The following SNX29 variants were observed in gnomAD, a reference collection of about 807,000 sequenced individuals.
SNX29 encodes sorting nexin-29.
A neutral mutation model predicts 102.1 loss-of-function variants in SNX29; 78 were observed. That is an observed-to-expected ratio of 0.76 (90% CI 0.64 to 0.92). The LOEUF is 0.92. Ranked by LOEUF, SNX29 falls within the 40% of genes least tolerant of loss-of-function variation. SNX29 has a pLI of 0.00. For synonymous variants in SNX29, 580 were observed against 414.5 expected (o/e 1.40, Z -4.85); for missense variants, 1,280 against 1,061.7 (o/e 1.21, Z -2.86).
At chr16:12,177,593 C>G (rs1273765955) in intron 13 of SNX29, among the ~76,000 whole-genome samples, 1 of 152,142 alleles carries the variant, frequency 6.6e-6, no homozygotes, top group African/African-American at 2.4e-5. Context: ...ATAATAGATG[C>G]TTAATTATTG....
intron 3 of SNX29, among the ~76,000 whole-genome samples, chr16:12,027,014 C>T (rs905601326): frequency 2.0e-5 from 3 of 152,168 alleles, no homozygotes; most frequent in Non-Finnish European, 4.4e-5. Flanking sequence ...ACTTTTCCCC[C>T]CTCTGCACCC....
Position 12,489,628 on chromosome 16 carries a change from T to C in SNX29, c.2178+11769T>C, listed in dbSNP as rs1078678. 2.6e-5 allele frequency among the ~76,000 whole-genome samples: 4 copies of C among 152,322 alleles called. No individual in the cohort carries two copies. The East Asian group carries it at 7.7e-4, about 29-fold the overall frequency. Reference sequence around the variant, plus strand: ...CAGTCAAGTATTTCCCATGGTGCGGTGTGTCCTTAGCCCTCAAACGCCAGC... The same window carrying C: ...CAGTCAAGTATTTCCCATGGTGCGGCGTGTCCTTAGCCCTCAAACGCCAGC... On this transcript the variant is annotated intron_variant, in intron 19 of 20. Transcript: ENST00000566228.
intron 19 of SNX29, among the ~76,000 whole-genome samples, chr16:12,481,952 C>A (rs937870985): frequency 3.3e-5 from 5 of 151,408 alleles, no homozygotes; most frequent in Non-Finnish European, 7.3e-5. Flanking sequence ...CTTAGTGATT[C>A]TTCCCATTTC....
rs909324332 is a variant in SNX29 at position 12,570,666 on chromosome 16, G to A, written c.*2037G>A. On this transcript the variant is annotated 3_prime_UTR_variant, in exon 21 of 21. Coordinates refer to ENST00000566228, the MANE Select transcript of SNX29 (RefSeq NM_032167.5). ...ATCTGTGACATTCCCTTGGGCCCAG[G>A]CTTATGACCTGCACCTTTTCTGACA... The A allele has an allele frequency of 1.7e-5, 4 of 232,034 alleles. No homozygotes were observed. Among genetic ancestry groups the A allele is most frequent in the African/African-American group, 8.8e-5 (4 of 45,280 alleles). The allele number at this position is 232,034 out of a possible 1,614,324, so 14.4% of individuals were successfully genotyped here.
chr16:12,466,717 G>A (rs1429428980), intron 18 of SNX29, among the ~76,000 whole-genome samples: 1 of 152,128 alleles, frequency 6.6e-6, no homozygotes, highest in African/African-American at 2.4e-5. Context: ...GTCCTCCTTA[G>A]TTTTCTGGCA....
chr16:12,534,884 A>G (rs1353552083), intron 20 of SNX29, among the ~76,000 whole-genome samples: 3 of 152,124 alleles, frequency 2.0e-5, no homozygotes, highest in African/African-American at 7.2e-5. Context: ...TGCCACGAGA[A>G]TCTAGTGGGT....
Position 11,997,506 on chromosome 16 carries a change from C to T in SNX29, c.8-1791C>T, listed in dbSNP as rs575114905. 2.3e-3 allele frequency among the ~76,000 whole-genome samples: 352 copies of T among 151,446 alleles called. 1 individual carries two copies. Among genetic ancestry groups the T allele is most frequent in the Non-Finnish European group, 3.9e-3 (266 of 67,910 alleles). On this transcript the variant is annotated intron_variant, in intron 1 of 20. Transcript: ENST00000566228. ...TTTTTTTTTTTTTTTGAGATAGGGC[C>T]TCACTCTGTCACTCAGGCCAGAGTG... is the stretch of plus-strand genomic sequence containing the variant.
intron 19 of SNX29, among the ~76,000 whole-genome samples, chr16:12,521,258 A>G (rs1350231647): frequency 6.6e-6 from 1 of 152,214 alleles, no homozygotes; most frequent in Non-Finnish European, 1.5e-5. Context: ...AATTATTGAA[A>G]GAAATCAGAT....
intron 18 of SNX29, among the ~76,000 whole-genome samples, chr16:12,464,230 G>A (rs886974720): frequency 9.1e-5 from 9 of 98,896 alleles, no homozygotes; most frequent in South Asian, 3.2e-4. Flanking sequence ...ATTCCATGGC[G>A]TGTGTGTGTG....
At chr16:12,451,147 A>C (rs1177304074) in intron 18 of SNX29, among the ~76,000 whole-genome samples, 1 of 152,172 alleles carries the variant, frequency 6.6e-6, no homozygotes, top group Non-Finnish European at 1.5e-5. Flanking sequence ...TTGATTCAAC[A>C]ATCTGCTACT....
chr16:12,400,463 G>A (rs937247973), intron 17 of SNX29, among the ~76,000 whole-genome samples: 2 of 152,344 alleles, frequency 1.3e-5, no homozygotes, highest in South Asian at 4.1e-4. Flanking sequence ...TTCAAACCCA[G>A]GCAGTGCTGG....
At chr16:12,000,078 T>C (rs901623984) in intron 2 of SNX29, among the ~76,000 whole-genome samples, 2 of 152,170 alleles carry the variant, frequency 1.3e-5, no homozygotes, top group African/African-American at 4.8e-5. Flanking sequence ...CCTCTGCTGC[T>C]GCCCCCAGCT....
chr16:12,212,315 C>T (rs780221901), intron 14 of SNX29, among the ~76,000 whole-genome samples: 48 of 152,242 alleles, frequency 3.2e-4, no homozygotes, highest in Middle Eastern at 3.4e-3. Flanking sequence ...TCAGGGTTGG[C>T]GGAAAGCAGA....
intron 20 of SNX29, among the ~76,000 whole-genome samples, chr16:12,545,068 G>A (rs750247216): frequency 1.1e-4 from 16 of 152,192 alleles, no homozygotes; most frequent in African/African-American, 2.9e-4. Context: ...GCATAGCCAC[G>A]AAATGCACTG....
At chr16:12,563,249 C>A (rs990266355) in intron 20 of SNX29, among the ~76,000 whole-genome samples, 2 of 152,128 alleles carry the variant, frequency 1.3e-5, no homozygotes, top group Non-Finnish European at 2.9e-5. Context: ...TCATCACTGA[C>A]CCCGCCCAGG....
chr16:12,369,551 G>T (rs900143192), intron 16 of SNX29, among the ~76,000 whole-genome samples: 4 of 152,166 alleles, frequency 2.6e-5, no homozygotes, highest in Non-Finnish European at 5.9e-5. Flanking sequence ...CCTGTACATG[G>T]TCAGGTGATG....
chr16:12,321,768 A>G (rs547164287), intron 15 of SNX29, among the ~76,000 whole-genome samples: 2 of 152,300 alleles, frequency 1.3e-5, no homozygotes, highest in South Asian at 2.1e-4. Context: ...TGTAAGAGTC[A>G]TAGATCTAGT....
At chr16:12,247,179 G>C (rs1370543544) in intron 14 of SNX29, among the ~76,000 whole-genome samples, 1 of 152,162 alleles carries the variant, frequency 6.6e-6, no homozygotes, top group Non-Finnish European at 1.5e-5. Flanking sequence ...GCAGAGGCCG[G>C]TATGGGGTGA....
At position 12,199,702 on chromosome 16, in the gene SNX29, C is replaced by T; in HGVS notation, c.1678+19C>T. 6.2e-7 allele frequency: 1 copy of T among 1,607,974 alleles called. No homozygotes were observed. On this transcript the variant is annotated intron_variant, in intron 14 of 20. Coordinates refer to ENST00000566228, the MANE Select transcript of SNX29 (RefSeq NM_032167.5). ...GCTGAAGGTGAGGGGGAGCCTGAGC[C>T]CGGGTTGGGAGGGGCCGGGCTTTTC... is the stretch of plus-strand genomic sequence containing the variant.
Sources: gnomAD v4.1 joint callset for allele counts (sites outside exome capture counted in the v4.1 genomes callset) on GRCh38, gnomAD v4.1.1 for gene constraint, MANE v1.5 for transcripts, NCBI Gene and HGNC (gene_info 2026-07-23, HGNC 2026-07-21) for gene names.